Variants in CD1B observed in about 807,000 individuals in gnomAD.
CD1B encodes T-cell surface glycoprotein CD1b.
CD1B carries 43 observed loss-of-function variants against 39.8 expected under a neutral mutation model. That is an observed-to-expected ratio of 1.08 (90% confidence interval 0.85 to 1.39). The LOEUF is 1.39. Ranked by LOEUF, CD1B falls within the 40% of genes most tolerant of loss-of-function variation. The pLI is 0.00. For synonymous variants in CD1B, 192 were observed against 152.5 expected (o/e 1.26, Z -1.91); for missense variants, 495 against 403.8 (o/e 1.23, Z -1.94).
chr1:158,303,869 C>A, the CD1B span, among the ~76,000 whole-genome samples: 1 of 152,154 alleles, frequency 6.6e-6, no homozygotes, highest in African/African-American at 2.4e-5. Context: ...AGACTCAGTG[C>A]TACTCCTATC....
At position 158,331,468 on chromosome 1, in the gene CD1B, T is replaced by G; in HGVS notation, c.-45A>C. 6.6e-7 allele frequency: 1 copy of G among 1,521,348 alleles called. No individual in the cohort carries two copies. Among genetic ancestry groups the G allele is most frequent in the South Asian group, 1.1e-5 (1 of 88,138 alleles). 94.2% of individuals were successfully genotyped at this position (1,521,348 alleles called of 1,614,324 possible). On this transcript the variant is annotated 5_prime_UTR_variant, in exon 1 of 6. Coordinates refer to ENST00000368168, the MANE Select transcript of CD1B (RefSeq NM_001764.3). ...TCTTACTGGCAGAGCTGGTATTTGA[T>G]CTCCAATTTCAGCAAAGCTTTTCCT... is the stretch of plus-strand genomic sequence containing the variant.
At chr1:158,319,211 G>T in the CD1B span, among the ~76,000 whole-genome samples, 14 of 151,258 alleles carry the variant, frequency 9.3e-5, no homozygotes, top group African/African-American at 3.4e-4. Flanking sequence ...ACGTTGGCCT[G>T]CCTTGCTAGA....
downstream of CD1B, among the ~76,000 whole-genome samples, chr1:158,323,982 G>A (rs184720929): frequency 1.2e-4 from 19 of 152,308 alleles, no homozygotes; most frequent in Non-Finnish European, 2.5e-4. Context: ...TATGAGATAA[G>A]GGTAAGTCTT....
chr1:158,304,749 G>C, the CD1B span, among the ~76,000 whole-genome samples: 1 of 152,196 alleles, frequency 6.6e-6, no homozygotes, highest in Non-Finnish European at 1.5e-5. Context: ...ACTTCCAGAG[G>C]AATAATCGGC....
the CD1B span, among the ~76,000 whole-genome samples, chr1:158,307,443 T>C: frequency 1.3e-5 from 2 of 152,098 alleles, no homozygotes; most frequent in African/African-American, 2.4e-5. Context: ...CAATAATTAA[T>C]AGCTTACCAA....
At chr1:158,293,443 G>C in the CD1B span, 1 of 1,613,422 alleles carries the variant, frequency 6.2e-7, no homozygotes, top group Non-Finnish European at 8.5e-7. Context: ...TCCCATTCCT[G>C]TTCCTTCACA....
chr1:158,308,215 T>A, the CD1B span, among the ~76,000 whole-genome samples: 2 of 152,066 alleles, frequency 1.3e-5, no homozygotes, highest in African/African-American at 2.4e-5. Context: ...AAACCATGAG[T>A]GAACTCCCAT....
the CD1B span, among the ~76,000 whole-genome samples, chr1:158,306,896 C>A: frequency 3.3e-5 from 5 of 151,998 alleles, no homozygotes; most frequent in Non-Finnish European, 7.4e-5. Context: ...AACAAAGACA[C>A]AACATACCAG....
At chr1:158,305,628 G>T in the CD1B span, among the ~76,000 whole-genome samples, 1 of 152,158 alleles carries the variant, frequency 6.6e-6, no homozygotes, top group Non-Finnish European at 1.5e-5. Context: ...ACACATAATT[G>T]TCAGATTCAC....
At chr1:158,315,308 C>T in the CD1B span, among the ~76,000 whole-genome samples, 29 of 151,770 alleles carry the variant, frequency 1.9e-4, no homozygotes, top group African/African-American at 3.4e-4. Flanking sequence ...CCACATCCTC[C>T]CCAGCACCTG....
chr1:158,296,922 AC>A, the CD1B span, among the ~76,000 whole-genome samples: 43 of 152,306 alleles, frequency 2.8e-4, no homozygotes, highest in African/African-American at 9.4e-4. Context: ...AGAAGGATGA[AC>A]AAAATCTCTG....
chr1:158,300,072 T>C, the CD1B span, among the ~76,000 whole-genome samples: 24 of 152,320 alleles, frequency 1.6e-4, no homozygotes, highest in East Asian at 3.9e-4. Context: ...TCTTTTAATG[T>C]GATGTTAGGT....
chr1:158,311,625 T>C, the CD1B span, among the ~76,000 whole-genome samples: 3 of 152,182 alleles, frequency 2.0e-5, no homozygotes, highest in East Asian at 5.8e-4. Context: ...AGTTTCACAA[T>C]TTTGGGTCTT....
chr1:158,307,814 A>T, the CD1B span, among the ~76,000 whole-genome samples: 1 of 152,194 alleles, frequency 6.6e-6, no homozygotes, highest in South Asian at 2.1e-4. Flanking sequence ...TCAATAAATT[A>T]GGTATTGATG....
chr1:158,295,997 C>T, the CD1B span, among the ~76,000 whole-genome samples: 1 of 152,108 alleles, frequency 6.6e-6, no homozygotes, highest in Non-Finnish European at 1.5e-5. Flanking sequence ...TGCATGTACC[C>T]TGCCACACTA....
chr1:158,323,028 A>G (rs1652241962), downstream of CD1B, among the ~76,000 whole-genome samples: 1 of 152,120 alleles, frequency 6.6e-6, no homozygotes, highest in Non-Finnish European at 1.5e-5. Flanking sequence ...GAGCATTTAC[A>G]TCTTTTTCCA....
Position 158,328,124 on chromosome 1 carries a change from C to CT in CD1B, c.*111dup. ...ATTTATTTTAAAATACATGAAAACT[C>CT]TGATTTCATCAAATTTGAAAATCAT... is the stretch of plus-strand genomic sequence containing the variant. On this transcript the variant is annotated 3_prime_UTR_variant, in exon 6 of 6. Coordinates refer to ENST00000368168, the MANE Select transcript of CD1B (RefSeq NM_001764.3). 1 of 843,106 alleles carries CT rather than the reference C, an allele frequency of 1.2e-6. No individual in the cohort carries two copies. The highest frequency in any genetic ancestry group is 2.5e-5 in the East Asian group (1 of 40,316). 52.2% of individuals were successfully genotyped at this position (843,106 alleles called of 1,614,324 possible). A position where few individuals can be genotyped will look rare whatever the true frequency, so the allele number is the denominator to read the frequency against.
rs1652604367 is a variant in CD1B at position 158,331,503 on chromosome 1, G to A, written c.-80C>T. Reference sequence around the variant, plus strand: ...CAGCAAAGCTTTTCCTCAGTACCCTGTAGTGACTTCTTCTCTCTTCCAACT... The same window carrying A: ...CAGCAAAGCTTTTCCTCAGTACCCTATAGTGACTTCTTCTCTCTTCCAACT... On this transcript the variant is annotated 5_prime_UTR_variant, in exon 1 of 6. Coordinates refer to ENST00000368168, the MANE Select transcript of CD1B (RefSeq NM_001764.3). 8.7e-7 allele frequency: 1 copy of A among 1,144,260 alleles called. No individual in the cohort carries two copies. Among genetic ancestry groups the A allele is most frequent in the African/African-American group, 1.5e-5 (1 of 65,848 alleles). 70.9% of individuals were successfully genotyped at this position (1,144,260 alleles called of 1,614,324 possible).
At chr1:158,331,228 A>G (rs574860891) in intron 1 of CD1B, 135 bp downstream of exon 1, 15 of 1,086,126 alleles carry the variant, frequency 1.4e-5, no homozygotes, top group Non-Finnish European at 5.4e-6. Context: ...AGTCCCAACC[A>G]CCAGAATGGT....
Sources: gnomAD v4.1 joint callset for allele counts (sites outside exome capture counted in the v4.1 genomes callset) on GRCh38, gnomAD v4.1.1 for gene constraint, MANE v1.5 for transcripts, NCBI Gene and HGNC (gene_info 2026-07-23, HGNC 2026-07-21) for gene names.